Variants in DPH6 observed in about 807,000 individuals in gnomAD.
DPH6 encodes the protein diphthine--ammonia ligase.
A neutral mutation model predicts 38.2 loss-of-function variants in DPH6; 33 were observed. The observed-to-expected ratio is 0.86, with a 90% CI of 0.65 to 1.15. DPH6 has a LOEUF of 1.15. Ranked by LOEUF, DPH6 falls within the 50% of genes most tolerant of loss-of-function variation. The pLI, the probability that DPH6 is intolerant of heterozygous loss-of-function variation, is 0.00. For missense variants in DPH6, 325 were observed against 320.0 expected (o/e 1.02, Z -0.12); for synonymous variants, 108 against 103.0 (o/e 1.05, Z -0.30).
At chr15:35,238,767 T>A (rs1379746124) in intron 3 of DPH6, among the ~76,000 whole-genome samples, 1 of 151,946 alleles carries the variant, frequency 6.6e-6, no homozygotes, top group Non-Finnish European at 1.5e-5. Flanking sequence ...CATTCCACCA[T>A]TGTGATGTGT....
chr15:35,264,790 T>A (rs565409905), intron 3 of DPH6, among the ~76,000 whole-genome samples: 7 of 152,196 alleles, frequency 4.6e-5, no homozygotes, highest in African/African-American at 1.7e-4. Flanking sequence ...AAATATGACA[T>A]AGAACTATAA....
At chr15:35,487,724 C>A (rs1351466034) in intron 3 of DPH6, among the ~76,000 whole-genome samples, 2 of 152,242 alleles carry the variant, frequency 1.3e-5, no homozygotes, top group African/African-American at 4.8e-5. Context: ...TAACATTCAG[C>A]TTCTCCTTAC....
intron 5 of DPH6, among the ~76,000 whole-genome samples, chr15:35,433,753 T>G (rs1000871700): frequency 6.6e-6 from 1 of 152,302 alleles, no homozygotes; most frequent in Admixed American, 6.5e-5. Flanking sequence ...ATATTGAAGC[T>G]CTAAAAAACT....
At chr15:35,212,241 G>T in the DPH6 span, among the ~76,000 whole-genome samples, 1 of 152,042 alleles carries the variant, frequency 6.6e-6, no homozygotes, top group Non-Finnish European at 1.5e-5. Context: ...TTGGAGGGGG[G>T]ATTTACTTTC....
Position 35,299,058 on chromosome 15 carries a change from ATTTCTTCTG to A in DPH6, n.200+74454_200+74462del, listed in dbSNP as rs2097976788. The A allele has an allele frequency of 4.2e-6, 3 of 722,010 alleles. No individual in the cohort carries two copies. The East Asian group carries it at 7.5e-5, about 18-fold the overall frequency. The allele number at this position is 722,010 out of a possible 1,614,324, so 44.7% of individuals were successfully genotyped here. On this transcript the variant is annotated intron_variant and non_coding_transcript_variant, in intron 3 of 3. Transcript: ENST00000560386. ...TTTATGCCTTTCTTCTCTTTCTTCT[ATTTCTTCTG>A]TCTTTCCAGCTCCCGCTGTCTTTGT...
intron 5 of DPH6, among the ~76,000 whole-genome samples, chr15:35,442,361 A>C (rs1214062798): frequency 2.0e-5 from 3 of 152,194 alleles, no homozygotes; most frequent in Non-Finnish European, 1.5e-5. Flanking sequence ...AGCTATAAGA[A>C]AGACAGAAAA....
intron 3 of DPH6, among the ~76,000 whole-genome samples, chr15:35,516,344 C>CA (rs1238587842): frequency 6.6e-6 from 1 of 152,088 alleles, no homozygotes; most frequent in African/African-American, 2.4e-5. Context: ...TTTCTAGTGA[C>CA]AAGTAAGTAT....
intron 3 of DPH6, among the ~76,000 whole-genome samples, chr15:35,360,150 C>T (rs1290359443): frequency 6.6e-6 from 1 of 152,132 alleles, no homozygotes; most frequent in Admixed American, 6.5e-5. Flanking sequence ...CTTTAACAGA[C>T]TGATTTTTGC....
chr15:35,366,034 T>C (rs2052655392), downstream of DPH6: 1 of 982,440 alleles, frequency 1.0e-6, no homozygotes. Flanking sequence ...TGTTGGCAAA[T>C]AAAAGTCATC....
At chr15:35,187,463 T>C in the DPH6 span, among the ~76,000 whole-genome samples, 2 of 152,218 alleles carry the variant, frequency 1.3e-5, no homozygotes, top group South Asian at 2.1e-4. Context: ...TTTTTTTTAG[T>C]GGTAATTGTT....
At chr15:35,542,000 C>CT (rs1369594716) in intron 2 of DPH6, among the ~76,000 whole-genome samples, 3 of 152,028 alleles carry the variant, frequency 2.0e-5, no homozygotes, top group African/African-American at 7.2e-5. Flanking sequence ...TATCATTTAT[C>CT]AATATGTGTC....
At chr15:35,467,188 A>G (rs1206632333) in intron 3 of DPH6, among the ~76,000 whole-genome samples, 1 of 152,142 alleles carries the variant, frequency 6.6e-6, no homozygotes, top group African/African-American at 2.4e-5. Context: ...TGTACAAAAT[A>G]TTTTCTTTAT....
Position 35,371,747 on chromosome 15 carries a change from C to G in DPH6, c.*403G>C, listed in dbSNP as rs1010054667. The G allele has an allele frequency of 1.0e-6, 1 of 988,536 alleles. No homozygotes were observed. Among genetic ancestry groups the G allele is most frequent in the Non-Finnish European group, 1.2e-6 (1 of 832,450 alleles). The allele number at this position is 988,536 out of a possible 1,614,324, so 61.2% of individuals were successfully genotyped here. On this transcript the variant is annotated 3_prime_UTR_variant, in exon 9 of 9. Coordinates refer to ENST00000256538, the MANE Select transcript of DPH6 (RefSeq NM_080650.4). ...AAGCTTGACTGGCTAAATAAAGTGACCATCTTTTCATCTTCATTTTCAAAT... is the reference window on the plus strand; with the variant it reads ...AAGCTTGACTGGCTAAATAAAGTGAGCATCTTTTCATCTTCATTTTCAAAT...
chr15:35,318,663 A>G (rs1354306417), intron 3 of DPH6, among the ~76,000 whole-genome samples: 1 of 152,198 alleles, frequency 6.6e-6, no homozygotes, highest in African/African-American at 2.4e-5. Context: ...AAAACAACAA[A>G]TATCTTTGCT....
chr15:35,238,139 C>T (rs547114180), intron 3 of DPH6: 1 of 1,111,562 alleles, frequency 9.0e-7, no homozygotes, highest in East Asian at 2.4e-5. Flanking sequence ...CGCTCCAATC[C>T]TGCCCCCTGA....
At chr15:35,309,578 TA>T (rs1595471338) in intron 3 of DPH6, among the ~76,000 whole-genome samples, 3 of 152,274 alleles carry the variant, frequency 2.0e-5, no homozygotes, top group East Asian at 1.9e-4. Context: ...CGAAAAGGCA[TA>T]GGGGGAAATA....
At chr15:35,504,331 C>G (rs1255250783) in intron 3 of DPH6, among the ~76,000 whole-genome samples, 1 of 151,806 alleles carries the variant, frequency 6.6e-6, no homozygotes. Flanking sequence ...ATGTTTTGTC[C>G]CATCAATATA....
intron 3 of DPH6, among the ~76,000 whole-genome samples, chr15:35,488,849 TAAAG>T (rs139342839): frequency 0.093 from 14,090 of 152,104 alleles, 883 homozygotes; most frequent in African/African-American, 0.18. Flanking sequence ...AATTCAGAGA[TAAAG>T]AGACTTGTAT....
the DPH6 span, among the ~76,000 whole-genome samples, chr15:35,171,318 G>T: frequency 6.6e-6 from 1 of 152,230 alleles, no homozygotes; most frequent in Non-Finnish European, 1.5e-5. Context: ...TCACACTTGT[G>T]TGGTTTTCCT....
Sources: gnomAD v4.1 joint callset for allele counts (sites outside exome capture counted in the v4.1 genomes callset) on GRCh38, gnomAD v4.1.1 for gene constraint, MANE v1.5 for transcripts, NCBI Gene and HGNC (gene_info 2026-07-23, HGNC 2026-07-21) for gene names.